Variants in PTPRM observed in about 807,000 individuals in gnomAD.
The protein encoded by PTPRM is protein tyrosine phosphatase receptor type M.
PTPRM carries 47 observed loss-of-function variants against 186.7 expected under a neutral mutation model. The ratio of observed to expected loss-of-function variants is 0.25; its 90% CI spans 0.20 to 0.32. The LOEUF is 0.32. Ranked by LOEUF, PTPRM falls within the 10% of genes least tolerant of loss-of-function variation. The pLI is 1.00. For synonymous variants in PTPRM, 668 were observed against 674.9 expected (o/e 0.99, Z 0.16); for missense variants, 1,494 against 1,865.0 (o/e 0.80, Z 3.66).
At chr18:7,919,469 C>T (rs966134289) in intron 4 of PTPRM, among the ~76,000 whole-genome samples, 5 of 152,050 alleles carry the variant, frequency 3.3e-5, no homozygotes, top group African/African-American at 7.2e-5. Context: ...TTAATTTCTT[C>T]GATTGGTTGT....
chr18:7,595,244 T>C (rs2037226708), intron 1 of PTPRM, among the ~76,000 whole-genome samples: 1 of 152,138 alleles, frequency 6.6e-6, no homozygotes, highest in African/African-American at 2.4e-5. Context: ...CCTGGAGTAT[T>C]TTGGAACAGG....
At chr18:7,589,882 C>A (rs928418663) in intron 1 of PTPRM, among the ~76,000 whole-genome samples, 6 of 152,222 alleles carry the variant, frequency 3.9e-5, no homozygotes, top group Admixed American at 3.9e-4. Context: ...TTCCAGGAAG[C>A]AGAACTTTGA....
chr18:8,222,536 C>T (rs2147081960), intron 14 of PTPRM, among the ~76,000 whole-genome samples: 1 of 152,308 alleles, frequency 6.6e-6, no homozygotes, highest in East Asian at 1.9e-4. Context: ...GGGACGGGAT[C>T]TCTTCCGATT....
At chr18:7,985,690 A>G (rs1241462688) in intron 7 of PTPRM, among the ~76,000 whole-genome samples, 1 of 151,148 alleles carries the variant, frequency 6.6e-6, no homozygotes, top group Non-Finnish European at 1.5e-5. Flanking sequence ...GGGGTAAATG[A>G]GATGTTTTGA....
At chr18:7,939,540 A>G (rs2052036492) in intron 5 of PTPRM, among the ~76,000 whole-genome samples, 1 of 152,240 alleles carries the variant, frequency 6.6e-6, no homozygotes, top group Non-Finnish European at 1.5e-5. Flanking sequence ...GCCTGCTCAA[A>G]TTGAAATACA....
chr18:8,179,761 C>T (rs2093547289), intron 14 of PTPRM, among the ~76,000 whole-genome samples: 1 of 152,204 alleles, frequency 6.6e-6, no homozygotes, highest in African/African-American at 2.4e-5. Flanking sequence ...AGCCACTGTG[C>T]CCGGCCTAAA....
chr18:8,369,202 A>G (rs1214201434), intron 23 of PTPRM, among the ~76,000 whole-genome samples: 1 of 152,180 alleles, frequency 6.6e-6, no homozygotes, highest in African/African-American at 2.4e-5. Context: ...GAGAGCTATA[A>G]AAGATAAGGC....
chr18:7,568,807 T>C lies in PTPRM; in HGVS notation c.73+916T>C, dbSNP rs1008035677. 6.6e-6 allele frequency among the ~76,000 whole-genome samples: 1 copy of C among 151,718 alleles called. No individual in the cohort carries two copies. Among genetic ancestry groups the C allele is most frequent in the Non-Finnish European group, 1.5e-5 (1 of 67,934 alleles). On this transcript the variant is annotated intron_variant, in intron 1 of 32. Coordinates refer to ENST00000580170, the MANE Select transcript of PTPRM (RefSeq NM_001105244.2). This position sits in a 1 kb window ranked among gnomAD's most constrained non-coding sequence, Gnocchi z 5.1. Reference sequence around the variant, plus strand: ...AGGATCTGTGGATCGGAGTCGGGGGTCCGGCGTGGGGGCGAACCCGGCACG... The same window carrying C: ...AGGATCTGTGGATCGGAGTCGGGGGCCCGGCGTGGGGGCGAACCCGGCACG...
chr18:8,096,398 G>A (rs1475785656), intron 11 of PTPRM, among the ~76,000 whole-genome samples: 1 of 152,208 alleles, frequency 6.6e-6, no homozygotes, highest in East Asian at 1.9e-4. Context: ...TCGTGGAGGC[G>A]AGAGCCAGGT....
chr18:8,323,082 GC>G (rs1278602804), intron 22 of PTPRM, among the ~76,000 whole-genome samples: 5 of 152,116 alleles, frequency 3.3e-5, no homozygotes, highest in African/African-American at 1.2e-4. Context: ...TCCCACCGTG[GC>G]CTCCCAAAGC....
At chr18:7,977,958 C>T (rs754679222) in intron 7 of PTPRM, among the ~76,000 whole-genome samples, 1 of 152,218 alleles carries the variant, frequency 6.6e-6, no homozygotes, top group Admixed American at 6.5e-5. Context: ...ATAATTTCCT[C>T]TAACTCAAAT....
chr18:8,032,604 A>G lies in PTPRM; in HGVS notation c.1133-37082A>G, dbSNP rs1301673241. Among the ~76,000 whole-genome samples, 4 of 152,134 alleles carry G rather than the reference A, an allele frequency of 2.6e-5. No homozygotes were observed. The East Asian group carries it at 7.7e-4, about 29-fold the overall frequency. ...CAAAAAGAATTATGAAGACTTGCAA[A>G]ATATTTTTAAAGTTTATTTGGAGAA... is the stretch of plus-strand genomic sequence containing the variant. On this transcript the variant is annotated intron_variant, in intron 7 of 32. Transcript: ENST00000580170.
At chr18:7,900,015 C>T (rs573768887) in intron 3 of PTPRM, among the ~76,000 whole-genome samples, 23 of 152,268 alleles carry the variant, frequency 1.5e-4, no homozygotes, top group African/African-American at 4.8e-4. Context: ...GAGCGCAAGG[C>T]ATATTGTATT....
At chr18:7,673,152 TG>T (rs1025435257) in intron 1 of PTPRM, among the ~76,000 whole-genome samples, 1 of 152,208 alleles carries the variant, frequency 6.6e-6, no homozygotes, top group Non-Finnish European at 1.5e-5. Context: ...GACTTGAAGC[TG>T]GCTGCTCTTC....
At chr18:7,704,554 CT>C (rs2040035696) in intron 1 of PTPRM, among the ~76,000 whole-genome samples, 1 of 151,980 alleles carries the variant, frequency 6.6e-6, no homozygotes, top group Non-Finnish European at 1.5e-5. Context: ...CTATTTGATT[CT>C]TCTTTCTTCT....
intron 2 of PTPRM, among the ~76,000 whole-genome samples, chr18:7,777,526 C>T (rs1473639766): frequency 1.3e-5 from 2 of 152,126 alleles, no homozygotes; most frequent in East Asian, 1.9e-4. Context: ...TGCCCTGGCC[C>T]TTTATGGAAA....
chr18:7,626,571 G>A (rs2038067608), intron 1 of PTPRM, among the ~76,000 whole-genome samples: 1 of 152,190 alleles, frequency 6.6e-6, no homozygotes, highest in South Asian at 2.1e-4. Flanking sequence ...CAGCCACACA[G>A]CTGGTGGCTT....
At chr18:7,631,451 G>GTT (rs74388341) in intron 1 of PTPRM, among the ~76,000 whole-genome samples, 18,479 of 139,674 alleles carry the variant, frequency 0.13, 2,565 homozygotes, top group African/African-American at 0.35. Flanking sequence ...CTACAAGGCT[G>GTT]TTTTTTTTTT....
At chr18:8,080,165 CT>C (rs35257915) in intron 9 of PTPRM, among the ~76,000 whole-genome samples, 94,943 of 151,644 alleles carry the variant, frequency 0.63, 29,873 homozygotes, top group African/African-American at 0.67. Flanking sequence ...ATTTTGCAGT[CT>C]TTTTTTTTGT....
Sources: gnomAD v4.1 joint callset for allele counts (sites outside exome capture counted in the v4.1 genomes callset) on GRCh38, gnomAD v4.1.1 for gene constraint, Gnocchi (gnomAD v3.1) non-coding constraint, MANE v1.5 for transcripts, NCBI Gene and HGNC (gene_info 2026-07-23, HGNC 2026-07-21) for gene names.